Variants in SEMA3E observed in about 807,000 individuals in gnomAD.
The protein encoded by SEMA3E is semaphorin 3E.
In SEMA3E, 49 loss-of-function variants were observed where a neutral mutation model predicts 93.6. The observed-to-expected ratio is 0.52, with a 90% CI of 0.42 to 0.66. The LOEUF is 0.66. Ranked by LOEUF, SEMA3E falls within the 30% of genes least tolerant of loss-of-function variation. The pLI is 0.00. For missense variants in SEMA3E, 906 were observed against 964.8 expected (o/e 0.94, Z 0.81); for synonymous variants, 363 against 330.7 (o/e 1.10, Z -1.06).
chr7:83,566,792 A>T (rs1458462765), intron 1 of SEMA3E, among the ~76,000 whole-genome samples: 1 of 152,220 alleles, frequency 6.6e-6, no homozygotes. Flanking sequence ...ACAAATAAGA[A>T]ATAGAAAGGA....
chr7:83,605,739 T>G (rs191007186), intron 1 of SEMA3E, among the ~76,000 whole-genome samples: 1 of 152,168 alleles, frequency 6.6e-6, no homozygotes, highest in Non-Finnish European at 1.5e-5. Context: ...GCCATAAATG[T>G]CTTCTTTTGA....
At chr7:83,530,738 T>TGTG (rs1194332289) in intron 1 of SEMA3E, among the ~76,000 whole-genome samples, 3 of 151,698 alleles carry the variant, frequency 2.0e-5, no homozygotes, top group African/African-American at 7.3e-5. Flanking sequence ...ATCAGTCAGG[T>TGTG]GTGGTGGTGC....
intron 1 of SEMA3E, among the ~76,000 whole-genome samples, chr7:83,501,869 T>C (rs976801599): frequency 5.3e-5 from 8 of 152,206 alleles, no homozygotes; most frequent in Non-Finnish European, 1.0e-4. Flanking sequence ...TGGAATCACA[T>C]TTTTTCTTCA....
At position 83,398,406 on chromosome 7, in the gene SEMA3E, T is replaced by C. The variant is rs542695815; in HGVS notation, c.1366+1622A>G. 3.9e-5 allele frequency among the ~76,000 whole-genome samples: 6 copies of C among 152,340 alleles called. No homozygotes were observed. In the East Asian group the frequency reaches 1.2e-3, roughly 29 times the overall value. ...CAAACTAATACTTTAATTACTTTTA[T>C]CAAATATTAGTATTGATTATGCAAC... On this transcript the variant is annotated intron_variant, in intron 11 of 16. Transcript: ENST00000643230.
chr7:83,502,290 T>C (rs1306671865), intron 1 of SEMA3E, among the ~76,000 whole-genome samples: 1 of 152,190 alleles, frequency 6.6e-6, no homozygotes, highest in Non-Finnish European at 1.5e-5. Flanking sequence ...GCCAGAGTGA[T>C]CATTTCTTTC....
chr7:83,571,246 A>G (rs556132041), intron 1 of SEMA3E, among the ~76,000 whole-genome samples: 1 of 152,208 alleles, frequency 6.6e-6, no homozygotes, highest in African/African-American at 2.4e-5. Context: ...TTCTGATGCC[A>G]AAATCTGCCA....
intron 4 of SEMA3E, among the ~76,000 whole-genome samples, chr7:83,439,506 G>C (rs1368934397): frequency 6.6e-6 from 1 of 152,190 alleles, no homozygotes; most frequent in African/African-American, 2.4e-5. Context: ...AGGGAGAGGA[G>C]AAAATGTACC....
intron 1 of SEMA3E, among the ~76,000 whole-genome samples, chr7:83,553,429 A>G (rs528961399): frequency 3.2e-4 from 49 of 152,256 alleles, no homozygotes; most frequent in African/African-American, 9.9e-4. Flanking sequence ...AATTTTATAC[A>G]TATATACAAA....
chr7:83,418,312 A>C, intron 5 of SEMA3E, 78 bp downstream of exon 5: 1 of 1,003,902 alleles, frequency 1.0e-6, no homozygotes, highest in Non-Finnish European at 1.5e-6. Context: ...GAAATGCTGA[A>C]AGAATGTAAC....
At chr7:83,463,020 T>C (rs1298478724) in intron 4 of SEMA3E, among the ~76,000 whole-genome samples, 2 of 143,896 alleles carry the variant, frequency 1.4e-5, no homozygotes, top group Non-Finnish European at 3.1e-5. Context: ...TAGGCTGTAC[T>C]GCCGCAAAGC....
chr7:83,546,026 T>C (rs1791643948), intron 1 of SEMA3E, among the ~76,000 whole-genome samples: 1 of 146,782 alleles, frequency 6.8e-6, no homozygotes, highest in Non-Finnish European at 1.5e-5. Flanking sequence ...TATATTATAT[T>C]TTTATATTTT....
At chr7:83,464,990 A>C (rs1195034740) in intron 4 of SEMA3E, among the ~76,000 whole-genome samples, 1 of 142,082 alleles carries the variant, frequency 7.0e-6, no homozygotes, top group South Asian at 2.5e-4. Flanking sequence ...TTGCACGTAT[A>C]CACCCAGATG....
chr7:83,549,236 C>T (rs1372676689), intron 1 of SEMA3E, among the ~76,000 whole-genome samples: 2 of 152,056 alleles, frequency 1.3e-5, no homozygotes, highest in African/African-American at 2.4e-5. Flanking sequence ...TATACTTTAA[C>T]ATGTTATCTC....
At chr7:83,629,196 G>T (rs913956395) in intron 1 of SEMA3E, among the ~76,000 whole-genome samples, 1 of 152,176 alleles carries the variant, frequency 6.6e-6, no homozygotes. Flanking sequence ...TCTGAGAGGG[G>T]CACCTGCCAG....
rs1457161538 is a variant in SEMA3E at position 83,363,250 on chromosome 7, C to CA, written c.*4335dup. On this transcript the variant is annotated 3_prime_UTR_variant, in exon 17 of 17. Transcript: ENST00000643230. ...CCCCAGACGACACTTGAGAGTTTAG[C>CA]AAATATTTATTTCTTTTTCATCGAA... 1.3e-5 allele frequency: 2 copies of CA among 152,174 alleles called. No individual in the cohort carries two copies. The highest frequency in any genetic ancestry group is 2.9e-5 in the Non-Finnish European group (2 of 68,038). 9.4% of individuals were successfully genotyped at this position (152,174 alleles called of 1,614,324 possible).
chr7:83,453,897 C>T (rs1789417783), intron 4 of SEMA3E, among the ~76,000 whole-genome samples: 1 of 150,924 alleles, frequency 6.6e-6, no homozygotes, highest in Admixed American at 6.6e-5. Flanking sequence ...TGGCTATTAC[C>T]CACTCTAGAT....
At chr7:83,532,866 A>T (rs550461076) in intron 1 of SEMA3E, among the ~76,000 whole-genome samples, 3 of 152,242 alleles carry the variant, frequency 2.0e-5, no homozygotes, top group African/African-American at 7.2e-5. Context: ...TTTGTTAATT[A>T]ATTAACACGT....
At position 83,526,970 on chromosome 7, in the gene SEMA3E, G is replaced by T. The variant is rs62477026; in HGVS notation, c.116-36696C>A. ...CAAGCCCCAACCCCCAGCTTTGCGA[G>T]TGTGACCTTCTTTGCAAATAGAGTC... On this transcript the variant is annotated intron_variant, in intron 1 of 16. Transcript: ENST00000643230. Among the ~76,000 whole-genome samples, 5 of 149,030 alleles carry T rather than the reference G, an allele frequency of 3.4e-5. No individual in the cohort carries two copies. In the East Asian group the frequency reaches 1.0e-3, roughly 30 times the overall value.
At chr7:83,524,208 A>G (rs943390483) in intron 1 of SEMA3E, among the ~76,000 whole-genome samples, 92 of 152,304 alleles carry the variant, frequency 6.0e-4, no homozygotes, top group Non-Finnish European at 9.8e-4. Flanking sequence ...AAGTCATATC[A>G]GTAGAAAAGT....
Sources: gnomAD v4.1 joint callset for allele counts (sites outside exome capture counted in the v4.1 genomes callset) on GRCh38, gnomAD v4.1.1 for gene constraint, MANE v1.5 for transcripts, NCBI Gene and HGNC (gene_info 2026-07-23, HGNC 2026-07-21) for gene names.